The following SLC39A8 variants were observed in gnomAD, a reference collection of about 807,000 sequenced individuals.
SLC39A8 encodes the protein solute carrier family 39 member 8, also known as metal cation symporter ZIP8.
A neutral mutation model predicts 40.4 loss-of-function variants in SLC39A8; 15 were observed. The ratio of observed to expected loss-of-function variants is 0.37; its 90% CI spans 0.25 to 0.57. The LOEUF is 0.57. Ranked by LOEUF, SLC39A8 falls within the 20% of genes least tolerant of loss-of-function variation. The pLI is 0.75. For synonymous variants in SLC39A8, 223 were observed against 221.6 expected (o/e 1.01, Z -0.06); for missense variants, 472 against 558.8 (o/e 0.84, Z 1.57).
chr4:102,344,458 G>T lies in SLC39A8; in HGVS notation c.205C>A (p.Leu69Met). The change falls in exon 2 of 9, where the codon CTG becomes ATG. Residue 69 changes from leucine (L) to methionine (M), a missense_variant. By Grantham distance (15) the Leu-to-Met change is conservative (BLOSUM62 2). Transcript: ENST00000356736. The stretch of plus-strand genomic sequence containing the variant: ...GGCGGCCTTACCTGGTTGAAGTGCA[G>T]CTGGCCAGGCTCCGGGACGCCCACG... Reference protein sequence around the residue: ...SRVGVPEPGQLHFNQCLTAEE... With the variant: ...SRVGVPEPGQMHFNQCLTAEE... The T allele has an allele frequency of 6.5e-7, 1 of 1,540,198 alleles. No individual in the cohort carries two copies. The highest frequency in any genetic ancestry group is 8.8e-7 in the Non-Finnish European group (1 of 1,142,378).
intron 6 of SLC39A8, among the ~76,000 whole-genome samples, chr4:102,289,451 T>TTACAAGTCATATTATTTAAGAAA (rs1733325808): frequency 6.6e-6 from 1 of 152,162 alleles, no homozygotes; most frequent in Admixed American, 6.5e-5. Context: ...TAGTTTTGAC[T>TTACAAGTCATATTATTTAAGAAA]TACAAGTCAT....
rs1732174032 is a variant in SLC39A8 at position 102,267,900 on chromosome 4, G to C, written c.1020C>G (p.Ile340Met). The change falls in exon 7 of 9, where the codon ATC (isoleucine) becomes ATG (methionine). Residue 340 changes from isoleucine (I) to methionine (M), a missense_variant. Ile to Met is a conservative substitution (Grantham distance 10). Around this residue, in one of 4 missense-constraint regions of SLC39A8, gnomAD observed 239 missense variants for 317.9 expected, o/e 0.75. Transcript: ENST00000356736. ...LLQGLSTSIA[I>M]LCEEFPHELG... ...ACTCGTGGGGAAACTCCTCACATAG[G>C]ATTGCTATGGAAGTACTGAGTCCCT... 3 of 1,614,118 alleles carry C rather than the reference G, an allele frequency of 1.9e-6. No homozygotes were observed. The Middle Eastern group carries it at 4.9e-4, about 266-fold the overall frequency.
intron 6 of SLC39A8, among the ~76,000 whole-genome samples, chr4:102,297,053 CA>C (rs1043255271): frequency 6.6e-6 from 1 of 151,344 alleles, no homozygotes; most frequent in African/African-American, 2.4e-5. Context: ...GACCCTGTCT[CA>C]AAAAAAATGA....
chr4:102,252,257 T>G (rs1731609839), exon 12 of SLC39A8: 1 of 152,352 alleles, frequency 6.6e-6, no homozygotes, highest in African/African-American at 2.4e-5. Flanking sequence ...GTTTGGGCTT[T>G]TCTCATAAAA....
intron 3 of SLC39A8, among the ~76,000 whole-genome samples, chr4:102,308,488 T>C (rs1734286948): frequency 6.6e-6 from 1 of 152,094 alleles, no homozygotes; most frequent in Non-Finnish European, 1.5e-5. Flanking sequence ...GGCCTCAATT[T>C]CCCTCTCTCT....
At position 102,262,233 on chromosome 4, in the gene SLC39A8, C is replaced by G. The variant is rs1731896390; in HGVS notation, c.*811G>C. Reference sequence around the variant, plus strand: ...TTTCTCTAAACCAACATATTCTTCACCTTCACAAAGCAAACACATGGTGCA... The same window carrying G: ...TTTCTCTAAACCAACATATTCTTCAGCTTCACAAAGCAAACACATGGTGCA... On this transcript the variant is annotated 3_prime_UTR_variant, in exon 9 of 9. Coordinates refer to ENST00000356736, the MANE Select transcript of SLC39A8 (RefSeq NM_001135146.2). 1 of 985,898 alleles carries G rather than the reference C, an allele frequency of 1.0e-6. No homozygotes were observed. Among genetic ancestry groups the G allele is most frequent in the Non-Finnish European group, 1.2e-6 (1 of 829,916 alleles). 61.1% of individuals were successfully genotyped at this position (985,898 alleles called of 1,614,324 possible).
exon 12 of SLC39A8, chr4:102,252,720 T>A (rs534640178): frequency 3.7e-4 from 57 of 152,264 alleles, no homozygotes; most frequent in African/African-American, 1.3e-3. Flanking sequence ...TTCATCCCCA[T>A]GCTATTTCCT....
At position 102,262,414 on chromosome 4, in the gene SLC39A8, A is replaced by C; in HGVS notation, c.*630T>G. ...CTCTAAGCCTGAACTTAGCAGGGCTAGCAAAACTTTATTTATTTCCTAACT... is the reference window on the plus strand; with the variant it reads ...CTCTAAGCCTGAACTTAGCAGGGCTCGCAAAACTTTATTTATTTCCTAACT... On this transcript the variant is annotated 3_prime_UTR_variant, in exon 9 of 9. Coordinates refer to ENST00000356736, the MANE Select transcript of SLC39A8 (RefSeq NM_001135146.2). 1 of 985,544 alleles carries C rather than the reference A, an allele frequency of 1.0e-6. No individual in the cohort carries two copies. Among genetic ancestry groups the C allele is most frequent in the Non-Finnish European group, 1.2e-6 (1 of 829,918 alleles). 61.0% of individuals were successfully genotyped at this position (985,544 alleles called of 1,614,324 possible).
intron 11 of SLC39A8, among the ~76,000 whole-genome samples, chr4:102,254,885 GCTC>G (rs1054056780): frequency 1.3e-5 from 2 of 152,042 alleles, no homozygotes; most frequent in Admixed American, 1.3e-4. Flanking sequence ...GCCCCTTTTG[GCTC>G]CAAAACTTTT....
At chr4:102,303,936 ATCT>A (rs376453632) in intron 6 of SLC39A8, among the ~76,000 whole-genome samples, 129 of 152,034 alleles carry the variant, frequency 8.5e-4, no homozygotes, top group African/African-American at 2.5e-3. Flanking sequence ...TAATTTGCAA[ATCT>A]TCTTGCAATT....
chr4:102,281,232 A>G (rs1691819655), intron 6 of SLC39A8, among the ~76,000 whole-genome samples: 1 of 152,200 alleles, frequency 6.6e-6, no homozygotes, highest in African/African-American at 2.4e-5. Flanking sequence ...ATTTCAATGT[A>G]AGTTGGAGAA....
intron 3 of SLC39A8, among the ~76,000 whole-genome samples, chr4:102,309,587 A>G (rs1432554161): frequency 6.6e-6 from 1 of 152,110 alleles, no homozygotes; most frequent in Non-Finnish European, 1.5e-5. Context: ...ACTAGCCTAC[A>G]TGCCTTCATT....
At position 102,262,231 on chromosome 4, in the gene SLC39A8, C is replaced by T. The variant is rs1272663459; in HGVS notation, c.*813G>A. ...TCTTTCTCTAAACCAACATATTCTT[C>T]ACCTTCACAAAGCAAACACATGGTG... On this transcript the variant is annotated 3_prime_UTR_variant, in exon 9 of 9. Coordinates refer to ENST00000356736, the MANE Select transcript of SLC39A8 (RefSeq NM_001135146.2). 1 of 985,822 alleles carries T rather than the reference C, an allele frequency of 1.0e-6. No homozygotes were observed. The highest frequency in any genetic ancestry group is 1.7e-5 in the African/African-American group (1 of 57,220). The allele number at this position is 985,822 out of a possible 1,614,324, so 61.1% of individuals were successfully genotyped here. A position where few individuals can be genotyped will look rare whatever the true frequency, so the allele number is the denominator to read the frequency against.
At position 102,268,188 on chromosome 4, in the gene SLC39A8, A is replaced by G. The variant is rs60765320; in HGVS notation, c.841-109T>C. On this transcript the variant is annotated intron_variant, in intron 6 of 8. Coordinates refer to ENST00000356736, the MANE Select transcript of SLC39A8 (RefSeq NM_001135146.2). Reference sequence around the variant, plus strand: ...AGAAAAACAAATTGTTCCAACAGAAAGTCTTTTAGAGTAACTAGGAAACCC... The same window carrying G: ...AGAAAAACAAATTGTTCCAACAGAAGGTCTTTTAGAGTAACTAGGAAACCC... 8.1e-3 allele frequency: 8,669 copies of G among 1,067,810 alleles called. 342 individuals are homozygous for G. In the African/African-American group the frequency reaches 0.1, roughly 12 times the overall value. The allele number at this position is 1,067,810 out of a possible 1,614,324, so 66.1% of individuals were successfully genotyped here. A position where few individuals can be genotyped will look rare whatever the true frequency, so the allele number is the denominator to read the frequency against.
intron 6 of SLC39A8, among the ~76,000 whole-genome samples, chr4:102,294,514 A>G (rs396902): frequency 0.17 from 26,294 of 152,058 alleles, 2,675 homozygotes; most frequent in Non-Finnish European, 0.24. Context: ...GAATTCCATT[A>G]AATTGGTTTA....
rs570609470 is a variant in SLC39A8, at chr4:102,300,704, T to C, written c.840+3613A>G. 1.7e-3 allele frequency among the ~76,000 whole-genome samples: 266 copies of C among 152,090 alleles called. 2 individuals are homozygous for C. Among genetic ancestry groups the C allele is most frequent in the African/African-American group, 6.3e-3 (260 of 41,548 alleles). On this transcript the variant is annotated intron_variant, in intron 6 of 8. Transcript: ENST00000356736. Reference sequence around the variant, plus strand: ...GTCAACAAAATTCTTAAATCCATACTTGTAACTCAAATTGAACCCTGAGTT... The same window carrying C: ...GTCAACAAAATTCTTAAATCCATACCTGTAACTCAAATTGAACCCTGAGTT...
chr4:102,326,022 T>C (rs1735182649), intron 2 of SLC39A8, among the ~76,000 whole-genome samples: 1 of 152,148 alleles, frequency 6.6e-6, no homozygotes, highest in Admixed American at 6.5e-5. Context: ...TGTGGTGTGG[T>C]GTCAGAGCAC....
intron 6 of SLC39A8, among the ~76,000 whole-genome samples, chr4:102,300,714 A>G (rs1308363709): frequency 6.6e-6 from 1 of 151,922 alleles, no homozygotes; most frequent in East Asian, 1.9e-4. Flanking sequence ...TTGTAACTCA[A>G]ATTGAACCCT....
intron 2 of SLC39A8, among the ~76,000 whole-genome samples, chr4:102,336,100 C>G (rs1284461201): frequency 1.3e-5 from 2 of 152,146 alleles, no homozygotes; most frequent in South Asian, 4.1e-4. Context: ...TTATTGGAAG[C>G]AATATAGGTA....
Sources: allele counts gnomAD v4.1 joint callset (sites outside exome capture counted in the v4.1 genomes callset), GRCh38; gene constraint gnomAD v4.1.1; regional missense constraint gnomAD v4.1.1; transcripts MANE v1.5; gene names NCBI Gene and HGNC (gene_info 2026-07-23, HGNC 2026-07-21).